CSNK1G1: variants seen among roughly 807,000 people sequenced by gnomAD.
CSNK1G1 encodes casein kinase 1 gamma 1.
A neutral mutation model predicts 59.6 loss-of-function variants in CSNK1G1; 22 were observed. The ratio of observed to expected loss-of-function variants is 0.37; its 90% CI spans 0.26 to 0.53. CSNK1G1 has a LOEUF of 0.53. Among genes scored for constraint, CSNK1G1 ranks in the 20% least tolerant of loss-of-function variants. The pLI is 0.89. For missense variants in CSNK1G1, 384 were observed against 519.5 expected (o/e 0.74, Z 2.54); for synonymous variants, 179 against 177.1 (o/e 1.01, Z -0.08).
At chr15:64,201,286 A>AAAAG (rs1555499584) in intron 10 of CSNK1G1, among the ~76,000 whole-genome samples, 1 of 149,668 alleles carries the variant, frequency 6.7e-6, no homozygotes, top group African/African-American at 2.5e-5. Flanking sequence ...AAAAAAAAAA[A>AAAAG]AAAAGAAAGA....
intron 2 of CSNK1G1, among the ~76,000 whole-genome samples, chr15:64,276,934 G>T (rs1186005871): frequency 7.1e-6 from 1 of 140,988 alleles, no homozygotes; most frequent in Non-Finnish European, 1.5e-5. Context: ...GTGACAGAGC[G>T]AGACTCCATC....
chr15:64,203,450 C>T (rs1032248168), intron 9 of CSNK1G1, among the ~76,000 whole-genome samples: 22 of 152,044 alleles, frequency 1.4e-4, no homozygotes, highest in Non-Finnish European at 1.2e-4. Flanking sequence ...GTAATCTCAG[C>T]ACTTTGGGAG....
intron 2 of CSNK1G1, among the ~76,000 whole-genome samples, chr15:64,300,039 C>T (rs1162653844): frequency 1.3e-5 from 2 of 152,094 alleles, no homozygotes; most frequent in African/African-American, 4.8e-5. Context: ...AAATCAGAGT[C>T]TGCATTTTAC....
At chr15:64,287,099 T>C (rs966020796) in intron 2 of CSNK1G1, among the ~76,000 whole-genome samples, 1 of 152,188 alleles carries the variant, frequency 6.6e-6, no homozygotes, top group African/African-American at 2.4e-5. Context: ...ATTTAACCAG[T>C]AACCGGTAAG....
intron 2 of CSNK1G1, among the ~76,000 whole-genome samples, chr15:64,280,593 C>T (rs557350416): frequency 3.3e-4 from 50 of 152,174 alleles, no homozygotes; most frequent in African/African-American, 1.1e-3. Context: ...ATCTCCTGAC[C>T]TCATGATCTG....
intron 10 of CSNK1G1, among the ~76,000 whole-genome samples, chr15:64,194,512 C>A (rs1299632836): frequency 7.1e-6 from 1 of 140,260 alleles, no homozygotes; most frequent in African/African-American, 2.7e-5. Context: ...CTTTTCTTTT[C>A]TTTTCTTTTT....
In CSNK1G1 at chr15:64,299,280, G is replaced by A. The variant is rs77258268; in HGVS notation, c.181+1039C>T. ...TTATTTTCTCTATCCCACTCATCAAGGGAGAGCCATTAAAAAGTATATAAA... is the reference window on the plus strand; with the variant it reads ...TTATTTTCTCTATCCCACTCATCAAAGGAGAGCCATTAAAAAGTATATAAA... On this transcript the variant is annotated intron_variant, in intron 2 of 11. Coordinates refer to ENST00000303052, the MANE Select transcript of CSNK1G1 (RefSeq NM_022048.5). 3.9e-3 allele frequency among the ~76,000 whole-genome samples: 590 copies of A among 151,978 alleles called. 7 individuals carry two copies. The highest frequency in any genetic ancestry group is 0.014 in the African/African-American group (565 of 41,432).
At chr15:64,346,422 T>TTTTATTTATTTATTTATTTA (rs140857936) in intron 1 of CSNK1G1, among the ~76,000 whole-genome samples, 1 of 137,456 alleles carries the variant, frequency 7.3e-6, no homozygotes, top group Non-Finnish European at 1.5e-5. Flanking sequence ...GGAAACGAGT[T>TTTTATTTATTTATTTATTTA]TTTATTTATT....
chr15:64,251,962 A>C (rs536261765), intron 3 of CSNK1G1, among the ~76,000 whole-genome samples: 31 of 152,288 alleles, frequency 2.0e-4, no homozygotes, highest in African/African-American at 7.2e-4. Flanking sequence ...TCATGGTTTT[A>C]TTATTTTTAG....
chr15:64,270,082 A>G (rs952392794), intron 2 of CSNK1G1, among the ~76,000 whole-genome samples: 8 of 152,210 alleles, frequency 5.3e-5, no homozygotes, highest in Non-Finnish European at 8.8e-5. Context: ...TGCTGGGATT[A>G]TAGGCATGAG....
chr15:64,199,292 GA>G (rs1397258396), intron 10 of CSNK1G1, among the ~76,000 whole-genome samples: 2 of 140,850 alleles, frequency 1.4e-5, no homozygotes, highest in Non-Finnish European at 3.1e-5. Flanking sequence ...AAGAAAAAGA[GA>G]AAAAAATATA....
intron 4 of CSNK1G1, among the ~76,000 whole-genome samples, chr15:64,241,990 CAAAT>C (rs1401130361): frequency 6.6e-6 from 1 of 151,418 alleles, no homozygotes; most frequent in African/African-American, 2.4e-5. Flanking sequence ...TGAGAAGACT[CAAAT>C]AAATAAAATC....
At chr15:64,278,694 G>A (rs545298714) in intron 2 of CSNK1G1, among the ~76,000 whole-genome samples, 1 of 152,232 alleles carries the variant, frequency 6.6e-6, no homozygotes, top group African/African-American at 2.4e-5. Flanking sequence ...CCCAAGTGCT[G>A]GGATTACAGG....
rs763312218 is a variant in CSNK1G1, at chr15:64,166,807, C to T, written c.*5124G>A. 3 of 152,626 alleles carry T rather than the reference C, an allele frequency of 2.0e-5. No individual in the cohort carries two copies. The highest frequency in any genetic ancestry group is 4.4e-5 in the Non-Finnish European group (3 of 68,042). The allele number at this position is 152,626 out of a possible 1,614,324, so 9.5% of individuals were successfully genotyped here. A position where few individuals can be genotyped will look rare whatever the true frequency, so the allele number is the denominator to read the frequency against. ...CCTCTTGTGGGTGTTACTGGAATGG[C>T]TGCACCACACCCCCACTTATTACCA... is the stretch of plus-strand genomic sequence containing the variant. On this transcript the variant is annotated 3_prime_UTR_variant, in exon 12 of 12. Coordinates refer to ENST00000303052, the MANE Select transcript of CSNK1G1 (RefSeq NM_022048.5). The surrounding 1 kb of genome is among the most constrained non-coding windows in gnomAD (Gnocchi z 4.5).
In CSNK1G1 at chr15:64,204,593, T is replaced by C. The variant is rs1161499632; in HGVS notation, c.851-4A>G. On this transcript the variant is annotated splice_polypyrimidine_tract_variant and splice_region_variant and intron_variant, in intron 8 of 11. Transcript: ENST00000303052. ...CGAAGGTAGGTTGCCATCTCCTCTG[T>C]TAGGAAAGAGATGAAAGGCCCTGCT... is the stretch of plus-strand genomic sequence containing the variant. 2 of 1,611,706 alleles carry C rather than the reference T, an allele frequency of 1.2e-6. No individual in the cohort carries two copies. The highest frequency in any genetic ancestry group is 1.7e-6 in the Non-Finnish European group (2 of 1,179,400).
chr15:64,279,004 C>A (rs934726115), intron 2 of CSNK1G1, among the ~76,000 whole-genome samples: 1 of 152,196 alleles, frequency 6.6e-6, no homozygotes, highest in Non-Finnish European at 1.5e-5. Context: ...TATGAAGCAG[C>A]TCCACCTAAG....
chr15:64,183,008 C>T (rs1313670389), intron 10 of CSNK1G1, among the ~76,000 whole-genome samples: 1 of 152,302 alleles, frequency 6.6e-6, no homozygotes, highest in African/African-American at 2.4e-5. Context: ...TACTGGTAAA[C>T]TCATTCTGTG....
intron 2 of CSNK1G1, among the ~76,000 whole-genome samples, chr15:64,272,855 G>A (rs1354766350): frequency 6.6e-6 from 1 of 151,870 alleles, no homozygotes; most frequent in Non-Finnish European, 1.5e-5. Flanking sequence ...AAGAAATCTT[G>A]GAATGCACCA....
chr15:64,238,515 AAAAAT>A (rs1326066376), intron 4 of CSNK1G1, among the ~76,000 whole-genome samples: 3 of 122,768 alleles, frequency 2.4e-5, no homozygotes, highest in Admixed American at 8.3e-5. Flanking sequence ...AAAAAAAAAA[AAAAAT>A]ATATATATAT....
Sources: allele counts gnomAD v4.1 joint callset (sites outside exome capture counted in the v4.1 genomes callset), GRCh38; gene constraint gnomAD v4.1.1; non-coding constraint Gnocchi (gnomAD v3.1); transcripts MANE v1.5; gene names NCBI Gene and HGNC (gene_info 2026-07-23, HGNC 2026-07-21).